The following CNGB1 variants were observed in gnomAD, a reference collection of about 807,000 sequenced individuals.
The protein encoded by CNGB1 is cyclic nucleotide-gated channel beta-1.
CNGB1 carries 126 observed loss-of-function variants against 151.7 expected under a neutral mutation model. The ratio of observed to expected loss-of-function variants is 0.83; its 90% confidence interval spans 0.72 to 0.96. The LOEUF is 0.96. CNGB1 is among the 40% of genes least tolerant of loss of function. CNGB1 has a pLI of 0.00. For missense variants in CNGB1, 1,698 were observed against 1,627.0 expected (o/e 1.04, Z -0.75); for synonymous variants, 623 against 635.1 (o/e 0.98, Z 0.29).
chr16:57,934,385 G>C (rs1202294977), intron 16 of CNGB1, among the ~76,000 whole-genome samples: 3 of 152,062 alleles, frequency 2.0e-5, no homozygotes, highest in Non-Finnish European at 2.9e-5. Context: ...AATGAGTCAA[G>C]ATCGCGCCTA....
At chr16:57,950,349 C>G in intron 13 of CNGB1, 32 bp downstream of exon 13, 1 of 1,613,648 alleles carries the variant, frequency 6.2e-7, no homozygotes, top group South Asian at 1.1e-5. Flanking sequence ...CAAACAATAA[C>G]TAATCTTTTA....
Position 57,959,930 on chromosome 16 carries a change from TG to T in CNGB1, c.718del (p.Gln240ArgfsTer37). On this transcript the variant is annotated frameshift_variant, in exon 10 of 33. Transcript: ENST00000251102. LOFTEE classifies it high-confidence loss of function. ...TGGTGGCAGGGAGGAGGTCTGGGCCTGGGAGCCGGGCTGGGGCTCTGGAGCT... is the reference window on the plus strand; with the variant it reads ...TGGTGGCAGGGAGGAGGTCTGGGCCTGGAGCCGGGCTGGGGCTCTGGAGCT... ...APAPEPQPGS[Q>X]AQTSSLPPTR... 1 of 1,580,284 alleles carries T rather than the reference TG, an allele frequency of 6.3e-7. No individual in the cohort carries two copies.
rs767160156 is a variant in CNGB1, at chr16:57,884,324, G to T, written c.3596C>A (p.Ser1199Tyr). 6 of 1,611,528 alleles carry T rather than the reference G, an allele frequency of 3.7e-6. No homozygotes were observed. The African/African-American group carries it at 8.0e-5, about 22-fold the overall frequency. The change falls in exon 33 of 33, where the codon TCT (serine) becomes TAT (tyrosine). Residue 1199 changes from serine (S) to tyrosine (Y), a missense_variant. Ser to Tyr is a moderately radical substitution (Grantham distance 144). Transcript: ENST00000251102. ...PPEPPGSPPS[S>Y]PPPASLGRPE... Reference sequence around the variant, plus strand: ...CCTCCCAAGGGAGGCAGGCGGTGGAGAGCTCGGTGGAGACCCCGGGGGCTC... The same window carrying T: ...CCTCCCAAGGGAGGCAGGCGGTGGATAGCTCGGTGGAGACCCCGGGGGCTC...
rs1177766504 is a variant in CNGB1 at position 57,939,344 on chromosome 16, G to A, written c.1372+86C>T. ...GAAGGAGATGGAGGGAGAGGAGGAG[G>A]GGTTGCCCCTGCACGAAGGCTGCCT... On this transcript the variant is annotated intron_variant, in intron 16 of 32. Transcript: ENST00000251102. 2.5e-6 allele frequency: 4 copies of A among 1,576,452 alleles called. No homozygotes were observed. The South Asian group carries it at 3.3e-5, about 13-fold the overall frequency.
chr16:57,903,718 C>T, intron 27 of CNGB1, 104 bp downstream of exon 27: 1 of 1,377,062 alleles, frequency 7.3e-7, no homozygotes, highest in Non-Finnish European at 1.0e-6. Flanking sequence ...CTCGGGACCT[C>T]AGAGACACAG....
In CNGB1 at chr16:57,904,595, C is replaced by G. The variant is rs1451436948; in HGVS notation, c.2634+139G>C. ...CTTCACCGCGCAGGGACCAGTGCTC[C>G]AGGCTCCTGACTCTCAGTCTAGTGC... On this transcript the variant is annotated intron_variant, in intron 26 of 32. Transcript: ENST00000251102. 13 of 1,211,402 alleles carry G rather than the reference C, an allele frequency of 1.1e-5. No individual in the cohort carries two copies. The African/African-American group carries it at 1.9e-4, about 18-fold the overall frequency. 75.0% of individuals were successfully genotyped at this position (1,211,402 alleles called of 1,614,324 possible).
intron 9 of CNGB1, 127 bp downstream of exon 9, chr16:57,960,355 C>A: frequency 7.6e-7 from 1 of 1,316,426 alleles, no homozygotes; most frequent in Non-Finnish European, 1.1e-6. Context: ...TCCAGGCAAG[C>A]CCTGAACCCC....
intron 23 of CNGB1, among the ~76,000 whole-genome samples, chr16:57,913,960 C>T (rs1960798541): frequency 6.6e-6 from 1 of 152,184 alleles, no homozygotes; most frequent in Non-Finnish European, 1.5e-5. Context: ...AAGCTCTCTC[C>T]TTATGCTATA....
intron 29 of CNGB1, among the ~76,000 whole-genome samples, chr16:57,900,425 T>G (rs1960354266): frequency 6.6e-6 from 1 of 152,184 alleles, no homozygotes; most frequent in Non-Finnish European, 1.5e-5. Flanking sequence ...CCCCGTATGC[T>G]TATTAACGGT....
intron 21 of CNGB1, among the ~76,000 whole-genome samples, chr16:57,916,771 T>C (rs1273714471): frequency 1.3e-5 from 2 of 152,056 alleles, no homozygotes; most frequent in African/African-American, 2.4e-5. Context: ...GGTCTCAAAT[T>C]GGCCCAAGTA....
chr16:57,889,740 T>C (rs1960034167), intron 31 of CNGB1, among the ~76,000 whole-genome samples: 1 of 152,192 alleles, frequency 6.6e-6, no homozygotes, highest in South Asian at 2.1e-4. Context: ...GGTGAGTAAC[T>C]TTCCCAAGGC....
chr16:57,946,785 C>T (rs951513733), intron 14 of CNGB1, among the ~76,000 whole-genome samples: 1 of 152,216 alleles, frequency 6.6e-6, no homozygotes. Flanking sequence ...CTGGGCCTCA[C>T]ACCCTCTGGC....
intron 2 of CNGB1, among the ~76,000 whole-genome samples, chr16:57,965,402 C>T (rs913980837): frequency 7.2e-5 from 11 of 152,140 alleles, no homozygotes; most frequent in South Asian, 2.1e-4. Context: ...TACATACATG[C>T]GTATAACTGC....
At chr16:57,940,426 C>A (rs1391030300) in intron 14 of CNGB1, 105 bp from the exon 15 acceptor site, 2 of 1,092,952 alleles carry the variant, frequency 1.8e-6, no homozygotes, top group African/African-American at 3.1e-5. Flanking sequence ...GCGGAGGGTA[C>A]AGAGATGCCC....
At chr16:57,951,776 T>G (rs1961954087) in intron 12 of CNGB1, among the ~76,000 whole-genome samples, 1 of 152,212 alleles carries the variant, frequency 6.6e-6, no homozygotes, top group Non-Finnish European at 1.5e-5. Context: ...ATTTTACAGA[T>G]GAGCAAACTG....
At chr16:57,960,202 A>T in intron 9 of CNGB1, 137 bp from the exon 10 acceptor site, 1 of 1,453,598 alleles carries the variant, frequency 6.9e-7, no homozygotes, top group Non-Finnish European at 9.1e-7. Flanking sequence ...ACCCATCCCA[A>T]TCCTCAAACA....
At chr16:57,898,778 T>C (rs1960305234) in intron 29 of CNGB1, among the ~76,000 whole-genome samples, 1 of 152,202 alleles carries the variant, frequency 6.6e-6, no homozygotes, top group Admixed American at 6.5e-5. Flanking sequence ...GATCACTCTT[T>C]GCCCAAGAGC....
rs1597013943 is a variant in CNGB1 at position 57,961,057 on chromosome 16, C to G, written c.459-142G>C. The G allele has an allele frequency of 2.5e-5, 19 of 764,374 alleles. No homozygotes were observed. The East Asian group carries it at 5.1e-4, about 20-fold the overall frequency. 47.3% of individuals were successfully genotyped at this position (764,374 alleles called of 1,614,324 possible). A position where few individuals can be genotyped will look rare whatever the true frequency, so the allele number is the denominator to read the frequency against. ...CAGTGGGGGCCTTGTCCTGGAAACT[C>G]TCAAAGGGCCCCAAGCGGGTGGGGA... On this transcript the variant is annotated intron_variant, in intron 7 of 32. Coordinates refer to ENST00000251102, the MANE Select transcript of CNGB1 (RefSeq NM_001297.5).
At chr16:57,911,996 C>T in intron 24 of CNGB1, 121 bp from the exon 25 acceptor site, 1 of 1,359,940 alleles carries the variant, frequency 7.4e-7, no homozygotes, top group Non-Finnish European at 1.0e-6. Flanking sequence ...GTTGAGATTG[C>T]ACCAGTTAGG....
Sources: allele counts gnomAD v4.1 joint callset (sites outside exome capture counted in the v4.1 genomes callset), GRCh38; gene constraint gnomAD v4.1.1; transcripts MANE v1.5; gene names NCBI Gene and HGNC (gene_info 2026-07-23, HGNC 2026-07-21).